ACYP2: variants seen among roughly 807,000 people sequenced by gnomAD.
The protein encoded by ACYP2 is acylphosphatase-2.
ACYP2 carries 12 observed loss-of-function variants against 11.2 expected under a neutral mutation model. The ratio of observed to expected loss-of-function variants is 1.08; its 90% CI spans 0.69 to 1.74. The LOEUF (loss-of-function observed/expected upper bound fraction) is 1.74, where lower values mean the gene tolerates loss of function less well. Ranked by LOEUF, ACYP2 falls within the 40% of genes most tolerant of loss-of-function variation. The pLI is 0.00. For synonymous variants in ACYP2, 43 were observed against 32.2 expected, an observed-to-expected ratio of 1.33 and a Z score of -1.13; for missense variants, 134 against 101.9, an observed-to-expected ratio of 1.31 and a Z score of -1.35.
intron 6 of ACYP2, among the ~76,000 whole-genome samples, chr2:54,152,515 A>G (rs1682227649): frequency 6.6e-6 from 1 of 152,126 alleles, no homozygotes; most frequent in Non-Finnish European, 1.5e-5. Context: ...GAATTGTTCC[A>G]CTACACTAAA....
chr2:54,269,700 CTA>C lies in ACYP2; in HGVS notation c.405-34986_405-34985del, dbSNP rs562609919. ...CTGTTTAACTTTTTTGCTCTCATCT[CTA>C]TGTTGAAAAATGCAATAGATGTTAA... On this transcript the variant is annotated intron_variant, in intron 6 of 6. Coordinates refer to ENST00000607452, the MANE Select transcript of ACYP2 (RefSeq NM_001320586.2). 8.5e-5 allele frequency among the ~76,000 whole-genome samples: 13 copies of C among 152,258 alleles called. No homozygotes were observed. In the South Asian group the frequency reaches 2.7e-3, roughly 32 times the overall value.
intron 6 of ACYP2, among the ~76,000 whole-genome samples, chr2:54,141,116 C>T (rs1202376224): frequency 6.6e-6 from 1 of 152,186 alleles, no homozygotes; most frequent in Non-Finnish European, 1.5e-5. Context: ...TCCCTTTTCA[C>T]ATCCTTTACC....
intron 6 of ACYP2, among the ~76,000 whole-genome samples, chr2:54,146,309 AT>A (rs1188554950): frequency 2.0e-5 from 3 of 152,196 alleles, no homozygotes; most frequent in African/African-American, 7.2e-5. Context: ...TTTCACAACC[AT>A]CTGCCTTTGT....
intron 4 of ACYP2, among the ~76,000 whole-genome samples, chr2:54,125,820 G>A (rs372569635): frequency 1.3e-5 from 2 of 150,256 alleles, no homozygotes; most frequent in Non-Finnish European, 3.0e-5. Flanking sequence ...AGTGGCTCAC[G>A]CCTGTAATCC....
intron 6 of ACYP2, among the ~76,000 whole-genome samples, chr2:54,227,910 A>C (rs1301595647): frequency 6.6e-6 from 1 of 152,208 alleles, no homozygotes; most frequent in African/African-American, 2.4e-5. Context: ...AAAGCTAACA[A>C]TATTTTGGCC....
intron 2 of ACYP2, among the ~76,000 whole-genome samples, chr2:53,982,377 T>G (rs1671808286): frequency 6.6e-6 from 1 of 152,196 alleles, no homozygotes; most frequent in Non-Finnish European, 1.5e-5. Context: ...CAGTGTGTAT[T>G]ATATATTCAT....
At chr2:54,095,092 A>G (rs1009326739) in intron 4 of ACYP2, among the ~76,000 whole-genome samples, 1 of 151,070 alleles carries the variant, frequency 6.6e-6, no homozygotes, top group African/African-American at 2.4e-5. Flanking sequence ...ATGACTCTTA[A>G]CGAGCATGCT....
At chr2:54,106,068 G>T (rs779172915) in intron 4 of ACYP2, among the ~76,000 whole-genome samples, 12 of 152,106 alleles carry the variant, frequency 7.9e-5, no homozygotes, top group Non-Finnish European at 1.8e-4. Flanking sequence ...ATATAAAAGT[G>T]TCATAATAAT....
intron 4 of ACYP2, among the ~76,000 whole-genome samples, chr2:54,092,187 A>ATTTGCAGTGCTGGGG (rs1678271752): frequency 6.6e-6 from 1 of 152,156 alleles, no homozygotes; most frequent in African/African-American, 2.4e-5. Context: ...AAGATGTTGA[A>ATTTGCAGTGCTGGGG]TTTGCAGTGC....
intron 6 of ACYP2, among the ~76,000 whole-genome samples, chr2:54,303,846 G>C (rs1230592987): frequency 6.6e-6 from 1 of 152,178 alleles, no homozygotes; most frequent in Non-Finnish European, 1.5e-5. Flanking sequence ...GTATAAAACA[G>C]CCTTGTTTTA....
In ACYP2 at chr2:54,110,612, T is replaced by C. The variant is rs778634131; in HGVS notation, c.278-24841T>C. Among the ~76,000 whole-genome samples the C allele has an allele frequency of 9.2e-5, 14 of 152,304 alleles. No individual in the cohort carries two copies. In the South Asian group the frequency reaches 1.4e-3, roughly 16 times the overall value. On this transcript the variant is annotated intron_variant, in intron 4 of 6. Transcript: ENST00000607452. Reference sequence around the variant, plus strand: ...TTTTGAGATGAGGTGCTAAACTCCCTGTGTTGTGCAAAAGGGGCATTTTAA... The same window carrying C: ...TTTTGAGATGAGGTGCTAAACTCCCCGTGTTGTGCAAAAGGGGCATTTTAA...
At chr2:54,009,851 A>C (rs1291733922) in intron 2 of ACYP2, among the ~76,000 whole-genome samples, 1 of 152,214 alleles carries the variant, frequency 6.6e-6, no homozygotes, top group East Asian at 1.9e-4. Flanking sequence ...TGAATTATCT[A>C]TTTAAACCTT....
intron 6 of ACYP2, among the ~76,000 whole-genome samples, chr2:54,266,270 C>T (rs537361809): frequency 2.0e-5 from 3 of 152,272 alleles, no homozygotes; most frequent in East Asian, 3.9e-4. Flanking sequence ...CACCAACACA[C>T]TCAATCATTT....
chr2:54,016,871 G>A (rs559334619), intron 2 of ACYP2, among the ~76,000 whole-genome samples: 57 of 151,856 alleles, frequency 3.8e-4, no homozygotes, highest in African/African-American at 1.3e-3. Flanking sequence ...GACTACAGGC[G>A]CCCGCCACCA....
intron 6 of ACYP2, chr2:54,255,098 T>G (rs1164173078): frequency 5.6e-6 from 9 of 1,613,930 alleles, no homozygotes; most frequent in Non-Finnish European, 6.8e-6. Context: ...GAAAACCAGG[T>G]GAAGAAGCTG....
intron 6 of ACYP2, among the ~76,000 whole-genome samples, chr2:54,282,856 G>A (rs367707585): frequency 6.4e-4 from 97 of 152,300 alleles, no homozygotes; most frequent in African/African-American, 2.2e-3. Context: ...CAGGAAAGGT[G>A]TGAAAGAATA....
intron 6 of ACYP2, among the ~76,000 whole-genome samples, chr2:54,189,317 C>T (rs1684138563): frequency 6.6e-6 from 1 of 152,062 alleles, no homozygotes; most frequent in African/African-American, 2.4e-5. Flanking sequence ...TCTACATTTC[C>T]CTGTTTCCTC....
chr2:54,211,267 C>T (rs13392879), intron 6 of ACYP2, among the ~76,000 whole-genome samples: 1,816 of 152,054 alleles, frequency 0.012, 37 homozygotes, highest in African/African-American at 0.042. Flanking sequence ...TTAGAGTTTC[C>T]TGATGGCAAA....
intron 6 of ACYP2, among the ~76,000 whole-genome samples, chr2:54,249,327 G>C (rs765609397): frequency 2.0e-5 from 3 of 151,988 alleles, no homozygotes; most frequent in Non-Finnish European, 4.4e-5. Context: ...TTTGGAATAA[G>C]GGCGATTCCA....
Sources: gnomAD v4.1 joint callset for allele counts (sites outside exome capture counted in the v4.1 genomes callset) on GRCh38, gnomAD v4.1.1 for gene constraint, MANE v1.5 for transcripts, NCBI Gene and HGNC (gene_info 2026-07-23, HGNC 2026-07-21) for gene names.